The following RNF144A variants were observed in gnomAD, a reference collection of about 807,000 sequenced individuals.
RNF144A encodes ring finger protein 144A, also known as E3 ubiquitin-protein ligase RNF144A.
Under a neutral mutation model 38.7 loss-of-function variants are expected in RNF144A, and 11 were observed. That is an observed-to-expected ratio of 0.28 (90% CI 0.18 to 0.47). The LOEUF is 0.47. Among genes scored for constraint, RNF144A ranks in the 20% least tolerant of loss-of-function variants. The pLI is 0.99. For synonymous variants in RNF144A, 149 were observed against 143.9 expected (o/e 1.04, Z -0.25); for missense variants, 316 against 377.2 (o/e 0.84, Z 1.34).
downstream of RNF144A, among the ~76,000 whole-genome samples, chr2:7,071,959 G>A (rs763661014): frequency 8.5e-5 from 13 of 152,172 alleles, no homozygotes; most frequent in Admixed American, 6.5e-5. Context: ...GCTCCTACTC[G>A]ACAGGCTCCA....
rs540747291 is a variant in RNF144A at position 7,013,584 on chromosome 2, T to C, written c.136-870T>C. Among the ~76,000 whole-genome samples the C allele has an allele frequency of 2.6e-5, 4 of 152,328 alleles. No individual in the cohort carries two copies. The South Asian group carries it at 6.2e-4, about 24-fold the overall frequency. On this transcript the variant is annotated intron_variant, in intron 3 of 8. Transcript: ENST00000320892. ...GATTTTACATCATTTTCTATGCTCT[T>C]TGAGTTCTTATATAAGCTCTACATC...
At chr2:6,977,397 C>T (rs918246063) in intron 2 of RNF144A, among the ~76,000 whole-genome samples, 16 of 152,284 alleles carry the variant, frequency 1.1e-4, no homozygotes, top group Admixed American at 8.5e-4. Flanking sequence ...TTTTGAACAT[C>T]GTAACATCAA....
chr2:6,942,710 G>A (rs1215925795), intron 2 of RNF144A, among the ~76,000 whole-genome samples: 1 of 152,220 alleles, frequency 6.6e-6, no homozygotes, highest in Non-Finnish European at 1.5e-5. Context: ...GAGGCCGGGT[G>A]CGGTGGCTCA....
intron 6 of RNF144A, among the ~76,000 whole-genome samples, chr2:7,066,471 C>G (rs539868967): frequency 7.9e-5 from 12 of 152,264 alleles, no homozygotes; most frequent in African/African-American, 2.9e-4. Context: ...GAAATAATTA[C>G]TTTTGCCTCC....
rs760003506 is a variant in RNF144A, at chr2:7,014,693, G to A, written c.241-19G>A. The A allele has an allele frequency of 1.9e-6, 3 of 1,541,922 alleles. No individual in the cohort carries two copies. Among genetic ancestry groups the A allele is most frequent in the Non-Finnish European group, 2.7e-6 (3 of 1,125,202 alleles). On this transcript the variant is annotated intron_variant, in intron 4 of 8. Transcript: ENST00000320892. ...CCTCAGCTTGTTATCATTCCTGTTT[G>A]CATTTTTTTTTCCCTTAGATTGAGT...
At chr2:7,020,728 G>T in intron 6 of RNF144A, 48 bp downstream of exon 6, 1 of 1,551,474 alleles carries the variant, frequency 6.4e-7, no homozygotes, top group South Asian at 1.1e-5. Context: ...TGTGGGCCAG[G>T]AGAAGCAGGC....
At position 7,019,058 on chromosome 2, in the gene RNF144A, G is replaced by A. The variant is rs184795351; in HGVS notation, c.302-1415G>A. ...TGCAACAGCAAAGCCCAGTAGCTGC[G>A]ACAGAAACCCAGAAACAACATGGTC... is the stretch of plus-strand genomic sequence containing the variant. On this transcript the variant is annotated intron_variant, in intron 5 of 8. Coordinates refer to ENST00000320892, the MANE Select transcript of RNF144A (RefSeq NM_014746.6). Among the ~76,000 whole-genome samples, 275 of 152,238 alleles carry A rather than the reference G, an allele frequency of 1.8e-3. 1 individual carries two copies. Among genetic ancestry groups the A allele is most frequent in the African/African-American group, 5.4e-3 (226 of 41,550 alleles).
intron 1 of RNF144A, among the ~76,000 whole-genome samples, chr2:6,932,817 T>C (rs1665286437): frequency 6.6e-6 from 1 of 152,216 alleles, no homozygotes; most frequent in Non-Finnish European, 1.5e-5. Flanking sequence ...AACCAACAAG[T>C]TTGTTCCATA....
rs193196740 is a variant in RNF144A, at chr2:7,066,626, C to T, written c.735-1590C>T. On this transcript the variant is annotated intron_variant, in intron 6 of 6. Transcript: ENST00000432850. ...ACTGGATATATTATGAAGGCCTTAA[C>T]TGGAATGTTGTATCTTCAGATATGA... 2.6e-5 allele frequency among the ~76,000 whole-genome samples: 4 copies of T among 152,256 alleles called. No homozygotes were observed. The East Asian group carries it at 7.7e-4, about 29-fold the overall frequency.
intron 3 of RNF144A, among the ~76,000 whole-genome samples, chr2:7,008,608 C>T (rs1670602066): frequency 6.6e-6 from 1 of 152,186 alleles, no homozygotes; most frequent in Non-Finnish European, 1.5e-5. Context: ...GCTTCCCTGT[C>T]CCCCCGGGCC....
At chr2:7,038,128 T>C (rs1363788602) in intron 8 of RNF144A, among the ~76,000 whole-genome samples, 1 of 152,230 alleles carries the variant, frequency 6.6e-6, no homozygotes, top group Non-Finnish European at 1.5e-5. Flanking sequence ...CAAGCAAAAA[T>C]CAAAATACGT....
At chr2:7,027,312 A>T (rs979616123) in intron 7 of RNF144A, among the ~76,000 whole-genome samples, 2 of 152,216 alleles carry the variant, frequency 1.3e-5, no homozygotes, top group African/African-American at 4.8e-5. Context: ...TACTGTAAAA[A>T]GGGACATGTG....
In RNF144A at chr2:7,042,627, C is replaced by T. The variant is rs1673117143; in HGVS notation, c.*2867C>T. ...TGGAGGTTTTGCTGGAAATGCCTGA[C>T]CTCTCAGTCTGGCTCTGCTGTGTAG... On this transcript the variant is annotated 3_prime_UTR_variant, in exon 9 of 9. Coordinates refer to ENST00000320892, the MANE Select transcript of RNF144A (RefSeq NM_014746.6). 1.0e-6 allele frequency: 1 copy of T among 985,422 alleles called. No individual in the cohort carries two copies. Among genetic ancestry groups the T allele is most frequent in the Non-Finnish European group, 1.2e-6 (1 of 830,036 alleles). The allele number at this position is 985,422 out of a possible 1,614,324, so 61.0% of individuals were successfully genotyped here. A position where few individuals can be genotyped will look rare whatever the true frequency, so the allele number is the denominator to read the frequency against.
intron 2 of RNF144A, among the ~76,000 whole-genome samples, chr2:6,982,360 C>A (rs76549529): frequency 6.6e-6 from 1 of 152,116 alleles, no homozygotes; most frequent in African/African-American, 2.4e-5. Flanking sequence ...GGAGGGAGAG[C>A]GCCCATCACA....
chr2:6,985,647 A>G (rs1333218446), intron 2 of RNF144A, among the ~76,000 whole-genome samples: 2 of 152,134 alleles, frequency 1.3e-5, no homozygotes, highest in Non-Finnish European at 1.5e-5. Flanking sequence ...GATCGGTATC[A>G]ATGGGGTTTT....
intron 2 of RNF144A, among the ~76,000 whole-genome samples, chr2:6,942,879 G>A (rs1431362671): frequency 3.3e-5 from 5 of 152,204 alleles, no homozygotes; most frequent in Admixed American, 1.3e-4. Context: ...AGCTACTCGG[G>A]AGGCTGAGTC....
intron 8 of RNF144A, among the ~76,000 whole-genome samples, chr2:7,033,982 C>T (rs763071586): frequency 2.2e-4 from 34 of 152,152 alleles, no homozygotes; most frequent in African/African-American, 6.5e-4. Flanking sequence ...TCACAGGGGC[C>T]GGGCAGGGAG....
chr2:6,944,609 A>C lies in RNF144A; in HGVS notation c.-12+3462A>C, dbSNP rs1002126086. 6.6e-6 allele frequency among the ~76,000 whole-genome samples: 1 copy of C among 152,082 alleles called. No homozygotes were observed. The highest frequency in any genetic ancestry group is 2.4e-5 in the African/African-American group (1 of 41,402). On this transcript the variant is annotated intron_variant, in intron 2 of 8. Transcript: ENST00000320892. This position sits in a 1 kb window ranked among gnomAD's most constrained non-coding sequence, Gnocchi z 4.7. ...TTTATTTTTTAATCTTAACTTTAACATATTAGGATTATTGCATCTTTCCCT... is the reference window on the plus strand; with the variant it reads ...TTTATTTTTTAATCTTAACTTTAACCTATTAGGATTATTGCATCTTTCCCT...
At chr2:7,050,234 G>T (rs959638952) in intron 6 of RNF144A, among the ~76,000 whole-genome samples, 1 of 152,126 alleles carries the variant, frequency 6.6e-6, no homozygotes, top group Admixed American at 6.5e-5. Context: ...GAACCATGGT[G>T]GTGGTTTCCC....
Sources: allele counts gnomAD v4.1 joint callset (sites outside exome capture counted in the v4.1 genomes callset), GRCh38; gene constraint gnomAD v4.1.1; non-coding constraint Gnocchi (gnomAD v3.1); transcripts MANE v1.5; gene names NCBI Gene and HGNC (gene_info 2026-07-23, HGNC 2026-07-21).